The following CUX1 variants were observed in gnomAD, a reference collection of about 807,000 sequenced individuals.
CUX1 encodes the protein protein CASP.
In CUX1, 31 loss-of-function variants were observed where a neutral mutation model predicts 158.8. The ratio of observed to expected loss-of-function variants is 0.20; its 90% confidence interval spans 0.15 to 0.26. The LOEUF (loss-of-function observed/expected upper bound fraction) is 0.26. Ranked by LOEUF, CUX1 falls within the 10% of genes least tolerant of loss-of-function variation. The pLI is 1.00. For missense variants in CUX1, 1,589 were observed against 2,014.6 expected, an observed-to-expected ratio of 0.79 and a Z score of 4.04; for synonymous variants, 879 against 862.1, an observed-to-expected ratio of 1.02 and a Z score of -0.34.
chr7:101,919,129 C>G lies in CUX1; in HGVS notation c.141+2904C>G, dbSNP rs112849747. 8.0e-3 allele frequency among the ~76,000 whole-genome samples: 1,223 copies of G among 152,244 alleles called. 18 individuals are homozygous for G. Among genetic ancestry groups the G allele is most frequent in the African/African-American group, 0.028 (1,155 of 41,544 alleles). On this transcript the variant is annotated intron_variant, in intron 2 of 23. Coordinates refer to ENST00000292535, the MANE Select transcript of CUX1 (RefSeq NM_181552.4). Reference sequence around the variant, plus strand: ...ATAAGACCAGAACAGTGGTGGGAGTCGGGGGCTGTGGCCGGAGTGTGCTGG... The same window carrying G: ...ATAAGACCAGAACAGTGGTGGGAGTGGGGGGCTGTGGCCGGAGTGTGCTGG...
rs782242166 is a variant in CUX1 at position 102,189,898 on chromosome 7, TCA to T, written c.1076+31_1076+32del. The T allele has an allele frequency of 1.7e-5, 27 of 1,611,680 alleles. No individual in the cohort carries two copies. The African/African-American group carries it at 3.2e-4, about 19-fold the overall frequency. On this transcript the variant is annotated intron_variant, in intron 12 of 23. Transcript: ENST00000292535. Reference sequence around the variant, plus strand: ...TAAGTACGGAGAGCCCTGTGGCCCCTCACACGCTGGGGCGCATTAGGGCCATC... The same window carrying T: ...TAAGTACGGAGAGCCCTGTGGCCCCTCACGCTGGGGCGCATTAGGGCCATC...
At chr7:101,904,940 G>C (rs1388830872) in intron 1 of CUX1, among the ~76,000 whole-genome samples, 1 of 152,180 alleles carries the variant, frequency 6.6e-6, no homozygotes, top group African/African-American at 2.4e-5. Context: ...ATAGCAAGAG[G>C]AAGAGAAACT....
chr7:102,156,812 G>C (rs535341089), intron 8 of CUX1, among the ~76,000 whole-genome samples: 159 of 152,320 alleles, frequency 1.0e-3, no homozygotes, highest in African/African-American at 3.6e-3. Context: ...CCAACGTGAC[G>C]TGCAGCCCTG....
chr7:102,130,523 A>C (rs577357997), intron 8 of CUX1, among the ~76,000 whole-genome samples: 114 of 152,102 alleles, frequency 7.5e-4, no homozygotes, highest in African/African-American at 2.6e-3. Context: ...TCTACTAAAA[A>C]CACAAAAATT....
At chr7:102,273,613 C>T in intron 15 of CUX1, 9 of 1,260,536 alleles carry the variant, frequency 7.1e-6, no homozygotes, top group East Asian at 2.4e-5. Context: ...CCCAGAAGGG[C>T]TGTCACCTAA....
chr7:102,235,225 C>T (rs1554532212), intron 22 of CUX1, among the ~76,000 whole-genome samples: 1 of 152,230 alleles, frequency 6.6e-6, no homozygotes, highest in African/African-American at 2.4e-5. Flanking sequence ...AGCGCTGGTC[C>T]TCGCCAGTGA....
intron 21 of CUX1, among the ~76,000 whole-genome samples, chr7:102,230,248 G>A (rs1332795552): frequency 1.3e-5 from 2 of 151,974 alleles, no homozygotes; most frequent in Non-Finnish European, 2.9e-5. Flanking sequence ...GGCTGAGGCA[G>A]GTGGATCACC....
intron 2 of CUX1, among the ~76,000 whole-genome samples, chr7:101,925,803 C>T (rs1585000344): frequency 6.6e-6 from 1 of 152,084 alleles, no homozygotes; most frequent in Non-Finnish European, 1.5e-5. Context: ...AGTGGTGGTG[C>T]GTACCTATGG....
At chr7:101,819,671 T>C (rs1347978737) in intron 1 of CUX1, among the ~76,000 whole-genome samples, 1 of 152,148 alleles carries the variant, frequency 6.6e-6, no homozygotes, top group Non-Finnish European at 1.5e-5. Context: ...GCTCCTGCTT[T>C]TGTTTTCTTG....
chr7:102,238,418 C>T (rs1554533636), intron 22 of CUX1, among the ~76,000 whole-genome samples: 10 of 152,182 alleles, frequency 6.6e-5, no homozygotes, highest in Non-Finnish European at 7.3e-5. Flanking sequence ...ACTGTGTCCC[C>T]TCATCTCCTA....
At chr7:101,840,152 G>A (rs1795067981) in intron 1 of CUX1, among the ~76,000 whole-genome samples, 1 of 152,238 alleles carries the variant, frequency 6.6e-6, no homozygotes, top group Non-Finnish European at 1.5e-5. Context: ...TCGAAGCTGG[G>A]AAGCTTGCTG....
intron 8 of CUX1, among the ~76,000 whole-genome samples, chr7:102,121,778 G>C (rs1479636613): frequency 6.6e-6 from 1 of 152,142 alleles, no homozygotes; most frequent in African/African-American, 2.4e-5. Context: ...CCAGGAACAC[G>C]CAGATTCAGG....
intron 1 of CUX1, among the ~76,000 whole-genome samples, chr7:101,855,268 C>T (rs1796647884): frequency 6.6e-6 from 1 of 152,240 alleles, no homozygotes; most frequent in African/African-American, 2.4e-5. Context: ...TATCTCCTCC[C>T]AAACCCTGTA....
chr7:102,040,045 A>G lies in CUX1; in HGVS notation c.189+11900A>G, dbSNP rs1821895838. Reference sequence around the variant, plus strand: ...TACTCTCTGGTCTTCATTCAACGCAACCTTTTCGGGAGCCTCCTGCTTCCA... The same window carrying G: ...TACTCTCTGGTCTTCATTCAACGCAGCCTTTTCGGGAGCCTCCTGCTTCCA... On this transcript the variant is annotated intron_variant, in intron 3 of 23. Coordinates refer to ENST00000292535, the MANE Select transcript of CUX1 (RefSeq NM_181552.4). 2.0e-5 allele frequency among the ~76,000 whole-genome samples: 3 copies of G among 152,072 alleles called. No individual in the cohort carries two copies. In the South Asian group the frequency reaches 6.3e-4, roughly 32 times the overall value.
At chr7:102,273,536 C>T (rs1554546872) in intron 15 of CUX1, 1 of 1,577,388 alleles carries the variant, frequency 6.3e-7, no homozygotes, top group Non-Finnish European at 8.6e-7. Context: ...GATACCTGCC[C>T]AACTGACTTA....
chr7:101,980,070 T>C (rs1172852864), intron 2 of CUX1, among the ~76,000 whole-genome samples: 3 of 152,194 alleles, frequency 2.0e-5, no homozygotes, highest in Non-Finnish European at 4.4e-5. Flanking sequence ...CCTTGAGCTG[T>C]TTCTGGAAGG....
At position 102,250,380 on chromosome 7, in the gene CUX1, A is replaced by G. The variant is rs374579185; in HGVS notation, c.*1338A>G. The G allele has an allele frequency of 1.8e-5, 18 of 984,958 alleles. No homozygotes were observed. The highest frequency in any genetic ancestry group is 6.2e-5 in the Admixed American group (1 of 16,224). The allele number at this position is 984,958 out of a possible 1,614,324, so 61.0% of individuals were successfully genotyped here. ...CACAGAAGGCACCTCACCTCACACC[A>G]CTCTCCTGGATACCTGATGAACTGA... On this transcript the variant is annotated 3_prime_UTR_variant, in exon 24 of 24. Transcript: ENST00000292535.
In CUX1 at chr7:102,202,112, A is replaced by G. The variant is rs782608214; in HGVS notation, c.2815A>G (p.Met939Val). 14 of 1,614,010 alleles carry G rather than the reference A, an allele frequency of 8.7e-6. No individual in the cohort carries two copies. The South Asian group carries it at 1.3e-4, about 15-fold the overall frequency. ...PLTPEQYEVYMYQEVDTIELT... is the reference protein window; with the variant it reads ...PLTPEQYEVYVYQEVDTIELT... ...GACCCCCGAGCAGTACGAGGTCTAC[A>G]TGTACCAGGAGGTGGACACCATCGA... Residue 939 changes from methionine to valine, a missense_variant, in exon 18 of 24, where the codon ATG becomes GTG. Met to Val is a conservative substitution (Grantham distance 21, BLOSUM62 1). Coordinates refer to ENST00000292535, the MANE Select transcript of CUX1 (RefSeq NM_181552.4).
At chr7:101,906,307 C>T (rs139296539) in intron 1 of CUX1, among the ~76,000 whole-genome samples, 2 of 152,034 alleles carry the variant, frequency 1.3e-5, no homozygotes, top group Non-Finnish European at 2.9e-5. Context: ...GAGCTGGGCA[C>T]ACAGGTTCCC....
Sources: allele counts gnomAD v4.1 joint callset (sites outside exome capture counted in the v4.1 genomes callset), GRCh38; gene constraint gnomAD v4.1.1; transcripts MANE v1.5; gene names NCBI Gene and HGNC (gene_info 2026-07-23, HGNC 2026-07-21).